The following RAB1A variants were observed in gnomAD, a reference collection of about 807,000 sequenced individuals.
RAB1A encodes RAB1A, member RAS oncogene family.
Under a neutral mutation model 26.0 loss-of-function variants are expected in RAB1A, and 2 were observed. The ratio of observed to expected loss-of-function variants is 0.08; its 90% confidence interval spans 0.03 to 0.24. The LOEUF is 0.24. Among genes scored for constraint, RAB1A ranks in the 10% least tolerant of loss-of-function variants. RAB1A has a pLI of 1.00. For missense variants in RAB1A, 100 were observed against 247.0 expected (o/e 0.40, Z 3.99); for synonymous variants, 84 against 84.9 (o/e 0.99, Z 0.06).
chr2:65,121,888 G>C (rs1374278395), intron 1 of RAB1A, among the ~76,000 whole-genome samples: 2 of 152,208 alleles, frequency 1.3e-5, no homozygotes, highest in African/African-American at 4.8e-5. Context: ...GCCAAACGTA[G>C]TGGCTCACGC....
chr2:65,087,595 A>G lies in RAB1A; in HGVS notation c.*898T>C, dbSNP rs986784154. On this transcript the variant is annotated 3_prime_UTR_variant, in exon 6 of 6. Coordinates refer to ENST00000409784, the MANE Select transcript of RAB1A (RefSeq NM_004161.5). ...AAATGGTTTTAGAGAAGGATCAGAG[A>G]TAACGGGCTAGATAGCATACATTCT... 2 of 152,596 alleles carry G rather than the reference A, an allele frequency of 1.3e-5. No individual in the cohort carries two copies. Among genetic ancestry groups the G allele is most frequent in the East Asian group, 1.9e-4 (1 of 5,204 alleles). 9.5% of individuals were successfully genotyped at this position (152,596 alleles called of 1,614,324 possible).
At chr2:65,118,757 C>T (rs1283957787) in intron 1 of RAB1A, among the ~76,000 whole-genome samples, 1 of 152,182 alleles carries the variant, frequency 6.6e-6, no homozygotes, top group African/African-American at 2.4e-5. Flanking sequence ...GGACTACAGG[C>T]GTCAGCCCCC....
intron 1 of RAB1A, among the ~76,000 whole-genome samples, chr2:65,110,411 A>G (rs1228389314): frequency 6.8e-6 from 1 of 147,784 alleles, no homozygotes; most frequent in East Asian, 2.0e-4. Flanking sequence ...ACTGCACTCC[A>G]GCCTGGGCAG....
intron 1 of RAB1A, among the ~76,000 whole-genome samples, chr2:65,108,791 G>C (rs1669623707): frequency 6.6e-6 from 1 of 151,806 alleles, no homozygotes; most frequent in Admixed American, 6.6e-5. Context: ...GGACAATAAG[G>C]GCGAAACTCC....
chr2:65,129,994 C>T lies in RAB1A; in HGVS notation c.-79G>A, dbSNP rs936815162. 69 of 1,482,096 alleles carry T rather than the reference C, an allele frequency of 4.7e-5. No homozygotes were observed. The Middle Eastern group carries it at 6.8e-4, about 15-fold the overall frequency. 91.8% of individuals were successfully genotyped at this position (1,482,096 alleles called of 1,614,324 possible). Reference sequence around the variant, plus strand: ...CCTGACTCTCCGCGCCACGGGTAATCGAAAGAAAGGAATGAGATAGGCTGT... The same window carrying T: ...CCTGACTCTCCGCGCCACGGGTAATTGAAAGAAAGGAATGAGATAGGCTGT... On this transcript the variant is annotated 5_prime_UTR_variant, in exon 1 of 6. Transcript: ENST00000409784.
At chr2:65,129,834 C>T in intron 1 of RAB1A, 59 bp downstream of exon 1, 1 of 1,565,292 alleles carries the variant, frequency 6.4e-7, no homozygotes. Context: ...TCCTCGACCC[C>T]TTTAAGATCC....
chr2:65,099,126 C>T (rs1356412131), intron 2 of RAB1A, among the ~76,000 whole-genome samples: 2 of 152,092 alleles, frequency 1.3e-5, no homozygotes, highest in Non-Finnish European at 2.9e-5. Flanking sequence ...TGTGAGCCAC[C>T]ATGCCTGGCC....
At chr2:65,092,393 G>A (rs1488890211) in intron 3 of RAB1A, among the ~76,000 whole-genome samples, 2 of 152,092 alleles carry the variant, frequency 1.3e-5, no homozygotes, top group Admixed American at 6.6e-5. Context: ...TTTAATATTA[G>A]GGAGAGTCAC....
chr2:65,112,704 G>A (rs1466471338), intron 1 of RAB1A, among the ~76,000 whole-genome samples: 1 of 152,206 alleles, frequency 6.6e-6, no homozygotes, highest in Non-Finnish European at 1.5e-5. Context: ...ACAGAAAGGA[G>A]GAGGCTGAGA....
chr2:65,103,495 T>TGAGC (rs779973259), intron 2 of RAB1A, among the ~76,000 whole-genome samples: 6 of 152,104 alleles, frequency 3.9e-5, no homozygotes, highest in Non-Finnish European at 8.8e-5. Context: ...TCACCATGAG[T>TGAGC]ACAATTTGGA....
chr2:65,113,180 C>G (rs1316553624), intron 1 of RAB1A, among the ~76,000 whole-genome samples: 5 of 152,178 alleles, frequency 3.3e-5, no homozygotes, highest in Admixed American at 2.6e-4. Flanking sequence ...GGGCCCACCC[C>G]AGAACCCTTG....
In RAB1A at chr2:65,089,200, A is replaced by G. The variant is rs1669109432; in HGVS notation, c.289-130T>C. Reference sequence around the variant, plus strand: ...AGACAACTCTAGCTACAAAATAACCACTGCTAAGGAGTGAAGAGATTTTTT... The same window carrying G: ...AGACAACTCTAGCTACAAAATAACCGCTGCTAAGGAGTGAAGAGATTTTTT... On this transcript the variant is annotated intron_variant, in intron 4 of 5. Transcript: ENST00000409784. The G allele has an allele frequency of 2.3e-5, 20 of 866,044 alleles. 1 individual carries two copies. In the South Asian group the frequency reaches 2.8e-4, roughly 12 times the overall value. The allele number at this position is 866,044 out of a possible 1,614,324, so 53.6% of individuals were successfully genotyped here. A position where few individuals can be genotyped will look rare whatever the true frequency, so the allele number is the denominator to read the frequency against.
chr2:65,125,553 C>T (rs1670079018), intron 1 of RAB1A, among the ~76,000 whole-genome samples: 1 of 150,850 alleles, frequency 6.6e-6, no homozygotes, highest in Non-Finnish European at 1.5e-5. Flanking sequence ...TCCTGAGTAG[C>T]TGGAATTACA....
At chr2:65,098,633 C>G (rs1390796197) in intron 2 of RAB1A, among the ~76,000 whole-genome samples, 1 of 152,012 alleles carries the variant, frequency 6.6e-6, no homozygotes, top group African/African-American at 2.4e-5. Flanking sequence ...ACTACAACCA[C>G]GAATTCCAGG....
intron 2 of RAB1A, among the ~76,000 whole-genome samples, chr2:65,101,567 G>C (rs771213259): frequency 1.4e-4 from 22 of 151,930 alleles, no homozygotes; most frequent in Non-Finnish European, 2.8e-4. Flanking sequence ...AACGCCTGAG[G>C]CTACAGCTAG....
At position 65,087,918 on chromosome 2, in the gene RAB1A, GTTGTT is replaced by G. The variant is rs1185289779; in HGVS notation, c.*570_*574del. 1 of 152,638 alleles carries G rather than the reference GTTGTT, an allele frequency of 6.6e-6. No individual in the cohort carries two copies. The highest frequency in any genetic ancestry group is 1.5e-5 in the Non-Finnish European group (1 of 68,072). The allele number at this position is 152,638 out of a possible 1,614,324, so 9.5% of individuals were successfully genotyped here. On this transcript the variant is annotated 3_prime_UTR_variant, in exon 6 of 6. Coordinates refer to ENST00000409784, the MANE Select transcript of RAB1A (RefSeq NM_004161.5). ...ACAATATTTATTAAACATATCTTCA[GTTGTT>G]TTGTTACATAGTGTGCAACAAATTA... is the stretch of plus-strand genomic sequence containing the variant.
At chr2:65,129,828 C>T (rs1329890981) in intron 1 of RAB1A, 65 bp downstream of exon 1, 7 of 1,560,130 alleles carry the variant, frequency 4.5e-6, no homozygotes, top group Non-Finnish European at 6.1e-6. Flanking sequence ...CAACCCTCCT[C>T]GACCCCTTTA....
At position 65,122,974 on chromosome 2, in the gene RAB1A, C is replaced by CAA. The variant is rs751246247; in HGVS notation, c.23+6917_23+6918dup. Among the ~76,000 whole-genome samples the CAA allele has an allele frequency of 2.5e-3, 85 of 34,604 alleles. 2 individuals carry two copies. Among genetic ancestry groups the CAA allele is most frequent in the African/African-American group, 5.2e-3 (41 of 7,942 alleles). The allele number at this position is 34,604 out of a possible 152,430, so 22.7% of individuals were successfully genotyped here. A position where few individuals can be genotyped will look rare whatever the true frequency, so the allele number is the denominator to read the frequency against. ...CAACAGAACAAGACTCCGTCTCAGA[C>CAA]AAAAAAAAAAAAAAAAAAAAAGCAA... On this transcript the variant is annotated intron_variant, in intron 1 of 5. Transcript: ENST00000409784.
At chr2:65,101,741 C>CT (rs1558579506) in intron 2 of RAB1A, among the ~76,000 whole-genome samples, 240 of 129,860 alleles carry the variant, frequency 1.8e-3, no homozygotes, top group Middle Eastern at 3.9e-3. Context: ...TGTATTACTT[C>CT]CTTTTTTTTT....
Sources: allele counts gnomAD v4.1 joint callset (sites outside exome capture counted in the v4.1 genomes callset), GRCh38; gene constraint gnomAD v4.1.1; transcripts MANE v1.5; gene names NCBI Gene and HGNC (gene_info 2026-07-23, HGNC 2026-07-21).